The following GNAQ variants were observed in gnomAD, a reference collection of about 807,000 sequenced individuals.
GNAQ encodes the protein G protein subunit alpha q.
GNAQ carries 8 observed loss-of-function variants against 43.9 expected under a neutral mutation model. The observed-to-expected ratio is 0.18, with a 90% CI of 0.11 to 0.33. GNAQ has a LOEUF of 0.33. Among genes scored for constraint, GNAQ ranks in the 10% least tolerant of loss-of-function variants. GNAQ has a pLI of 1.00. For synonymous variants in GNAQ, 155 were observed against 170.7 expected (o/e 0.91, Z 0.71); for missense variants, 158 against 450.8 (o/e 0.35, Z 5.88).
chr9:77,751,368 A>G (rs1182391123), intron 5 of GNAQ, among the ~76,000 whole-genome samples: 1 of 152,212 alleles, frequency 6.6e-6, no homozygotes, highest in Non-Finnish European at 1.5e-5. Flanking sequence ...AATTGAATAC[A>G]TGGGCCTGAA....
intron 1 of GNAQ, among the ~76,000 whole-genome samples, chr9:78,021,742 T>C (rs1442326958): frequency 5.3e-5 from 8 of 152,212 alleles, no homozygotes; most frequent in Non-Finnish European, 8.8e-5. Context: ...GGGAAAGCAA[T>C]GTTGTGTTTG....
At position 77,717,890 on chromosome 9, in the gene GNAQ, C is replaced by T. The variant is rs972916380; in HGVS notation, c.*3433G>A. The T allele has an allele frequency of 8.6e-6, 2 of 232,354 alleles. No homozygotes were observed. Among genetic ancestry groups the T allele is most frequent in the Non-Finnish European group, 1.7e-5 (2 of 117,670 alleles). 14.4% of individuals were successfully genotyped at this position (232,354 alleles called of 1,614,324 possible). A position where few individuals can be genotyped will look rare whatever the true frequency, so the allele number is the denominator to read the frequency against. Reference sequence around the variant, plus strand: ...ATGGAAATGTTAAAAACAAAAACTTCTAGGAGATTTATTTACTTTTGAATG... The same window carrying T: ...ATGGAAATGTTAAAAACAAAAACTTTTAGGAGATTTATTTACTTTTGAATG... On this transcript the variant is annotated 3_prime_UTR_variant, in exon 7 of 7. Transcript: ENST00000286548.
chr9:78,004,888 T>C (rs1823686769), intron 1 of GNAQ, among the ~76,000 whole-genome samples: 1 of 151,878 alleles, frequency 6.6e-6, no homozygotes, highest in South Asian at 2.1e-4. Context: ...AAAGGGTTAG[T>C]GTCCTCATTT....
chr9:77,804,638 A>G (rs1434477380), intron 3 of GNAQ, among the ~76,000 whole-genome samples: 1 of 152,220 alleles, frequency 6.6e-6, no homozygotes, highest in East Asian at 1.9e-4. Context: ...ATCCAACCAG[A>G]CACAATAGGA....
At chr9:77,945,080 G>A (rs1240313655) in intron 1 of GNAQ, among the ~76,000 whole-genome samples, 1 of 152,160 alleles carries the variant, frequency 6.6e-6, no homozygotes, top group Non-Finnish European at 1.5e-5. Flanking sequence ...TTGAAGTATT[G>A]TAAATTCCGA....
intron 1 of GNAQ, among the ~76,000 whole-genome samples, chr9:78,023,851 C>T (rs1283620497): frequency 3.4e-5 from 5 of 148,642 alleles, no homozygotes; most frequent in Non-Finnish European, 6.0e-5. Context: ...TGTTCGCTTC[C>T]GGTAACAGAG....
At chr9:77,750,955 T>C (rs960248619) in intron 5 of GNAQ, among the ~76,000 whole-genome samples, 5 of 152,364 alleles carry the variant, frequency 3.3e-5, no homozygotes, top group Admixed American at 6.5e-5. Flanking sequence ...GGTGCTACTG[T>C]ACAGTGCTGT....
rs201662129 is a variant in GNAQ at position 77,869,584 on chromosome 9, C to CT, written c.321+52576dup. On this transcript the variant is annotated intron_variant, in intron 2 of 6. Coordinates refer to ENST00000286548, the MANE Select transcript of GNAQ (RefSeq NM_002072.5). ...GAATGAGACCTTCCTAAATACTACT[C>CT]TAATAACATCATCATTCTCTAGAAA... Among the ~76,000 whole-genome samples the CT allele has an allele frequency of 5.6e-3, 859 of 152,328 alleles. 1 individual carries two copies. The highest frequency in any genetic ancestry group is 0.02 in the African/African-American group (811 of 41,572).
At chr9:77,930,426 A>G (rs1829132328) in intron 1 of GNAQ, among the ~76,000 whole-genome samples, 1 of 152,198 alleles carries the variant, frequency 6.6e-6, no homozygotes, top group Non-Finnish European at 1.5e-5. Flanking sequence ...TCATTTACAA[A>G]TATTTCCCCA....
At chr9:77,849,608 T>G (rs1297414482) in intron 2 of GNAQ, among the ~76,000 whole-genome samples, 1 of 152,184 alleles carries the variant, frequency 6.6e-6, no homozygotes, top group Non-Finnish European at 1.5e-5. Context: ...TGTAATCTGT[T>G]TTCCACCTCC....
At chr9:77,947,984 A>T (rs922483026) in intron 1 of GNAQ, among the ~76,000 whole-genome samples, 2 of 152,198 alleles carry the variant, frequency 1.3e-5, no homozygotes, top group African/African-American at 4.8e-5. Context: ...CCTACTTCAT[A>T]GGGTGGTTCT....
intron 2 of GNAQ, among the ~76,000 whole-genome samples, chr9:77,869,057 A>G (rs1231000767): frequency 6.6e-6 from 1 of 152,168 alleles, no homozygotes; most frequent in East Asian, 1.9e-4. Flanking sequence ...CTCAGTCAAT[A>G]TATTTCATAT....
intron 1 of GNAQ, among the ~76,000 whole-genome samples, chr9:77,958,244 G>A (rs1351089332): frequency 6.6e-6 from 1 of 151,994 alleles, no homozygotes; most frequent in Non-Finnish European, 1.5e-5. Context: ...ATCCCTTCAA[G>A]GACTGGAACT....
rs560640658 is a variant in GNAQ, at chr9:77,719,896, T to G, written c.*1427A>C. 1 of 232,530 alleles carries G rather than the reference T, an allele frequency of 4.3e-6. No homozygotes were observed. Among genetic ancestry groups the G allele is most frequent in the East Asian group, 6.1e-5 (1 of 16,454 alleles). The allele number at this position is 232,530 out of a possible 1,614,324, so 14.4% of individuals were successfully genotyped here. A position where few individuals can be genotyped will look rare whatever the true frequency, so the allele number is the denominator to read the frequency against. ...AAGTTCAACCTAATCAGTTACCAGTTCAAGAAGATCATGAAGGTGGTAAAC... is the reference window on the plus strand; with the variant it reads ...AAGTTCAACCTAATCAGTTACCAGTGCAAGAAGATCATGAAGGTGGTAAAC... On this transcript the variant is annotated 3_prime_UTR_variant, in exon 7 of 7. Coordinates refer to ENST00000286548, the MANE Select transcript of GNAQ (RefSeq NM_002072.5).
At chr9:77,897,940 T>TG (rs1238048243) in intron 2 of GNAQ, among the ~76,000 whole-genome samples, 9 of 63,964 alleles carry the variant, frequency 1.4e-4, no homozygotes, top group South Asian at 1.3e-3. Flanking sequence ...ACACTTTCCC[T>TG]GGAAAAAAAA....
chr9:78,031,075 C>G, intron 1 of GNAQ, 25 bp downstream of exon 1: 1 of 1,432,460 alleles, frequency 7.0e-7, no homozygotes, highest in Non-Finnish European at 9.2e-7. Context: ...CGCAGAGGCC[C>G]GGCGGGGCCC....
chr9:77,750,102 A>G (rs1825790045), intron 5 of GNAQ, among the ~76,000 whole-genome samples: 1 of 151,966 alleles, frequency 6.6e-6, no homozygotes, highest in Non-Finnish European at 1.5e-5. Context: ...TTAATTAGTC[A>G]CATAAGGTAC....
intron 2 of GNAQ, among the ~76,000 whole-genome samples, chr9:77,913,349 C>T (rs1275443801): frequency 6.6e-6 from 1 of 150,486 alleles, no homozygotes; most frequent in African/African-American, 2.4e-5. Flanking sequence ...AAATGTCATA[C>T]AACTGTACTG....
intron 2 of GNAQ, among the ~76,000 whole-genome samples, chr9:77,889,410 CAAAAAAAAAAAAAAAA>C (rs58496646): frequency 2.8e-3 from 133 of 48,064 alleles, no homozygotes; most frequent in African/African-American, 0.011. Context: ...GACCCTGTCT[CAAAAAAAAAAAAAAAA>C]AAAAAAAAAA....
Sources: gnomAD v4.1 joint callset for allele counts (sites outside exome capture counted in the v4.1 genomes callset) on GRCh38, gnomAD v4.1.1 for gene constraint, MANE v1.5 for transcripts, NCBI Gene and HGNC (gene_info 2026-07-23, HGNC 2026-07-21) for gene names.